Variants in AQR observed in about 807,000 individuals in gnomAD.
AQR encodes RNA helicase aquarius.
In AQR, 61 loss-of-function variants were observed where a neutral mutation model predicts 180.5. That is an observed-to-expected ratio of 0.34 (90% CI 0.28 to 0.42). The LOEUF (loss-of-function observed/expected upper bound fraction) is 0.42. Ranked by LOEUF, AQR falls within the 10% of genes least tolerant of loss-of-function variation. The probability of loss-of-function intolerance (pLI) is 1.00; values close to 1 mark genes in which losing one functional copy is unlikely to be tolerated. For synonymous variants in AQR, 551 were observed against 588.8 expected (o/e 0.94, Z 0.93); for missense variants, 1,281 against 1,798.3 (o/e 0.71, Z 5.20).
intron 15 of AQR, among the ~76,000 whole-genome samples, chr15:34,917,518 G>T (rs1173007040): frequency 3.3e-5 from 5 of 151,966 alleles, no homozygotes; most frequent in Admixed American, 3.3e-4. Context: ...AACACTAAGG[G>T]TTTACTATCA....
intron 22 of AQR, 110 bp from the exon 23 acceptor site, chr15:34,893,883 T>C (rs1893191517): frequency 1.2e-6 from 1 of 845,618 alleles, no homozygotes; most frequent in African/African-American, 1.7e-5. Flanking sequence ...ATTCAGTAGA[T>C]GGGCCCAATA....
At chr15:34,914,222 C>T (rs959478) in intron 16 of AQR, among the ~76,000 whole-genome samples, 108,734 of 152,118 alleles carry the variant, frequency 0.71, 40,869 homozygotes, top group South Asian at 0.84. Context: ...GTATAACTTA[C>T]ATCCATCAAT....
intron 15 of AQR, 25 bp from the exon 16 acceptor site, chr15:34,915,204 T>A (rs753706142): frequency 2.0e-5 from 31 of 1,552,104 alleles, no homozygotes; most frequent in Non-Finnish European, 2.6e-5. Context: ...AACATCCATA[T>A]TTCAATTTTT....
chr15:34,919,024 A>C (rs1000605120), intron 14 of AQR, among the ~76,000 whole-genome samples: 2 of 152,180 alleles, frequency 1.3e-5, no homozygotes, highest in African/African-American at 4.8e-5. Flanking sequence ...GGATCACCTG[A>C]GGTGAGGAGT....
At chr15:34,862,772 A>G (rs1227460249) in intron 33 of AQR, 95 bp downstream of exon 33, 5 of 1,310,808 alleles carry the variant, frequency 3.8e-6, no homozygotes, top group Non-Finnish European at 4.2e-6. Flanking sequence ...TAAATTATCT[A>G]TAATAATGTT....
rs370501493 is a variant in AQR, at chr15:34,897,692, C to G, written c.2257G>C (p.Val753Leu). The stretch of plus-strand genomic sequence containing the variant: ...CTTTTCTTCCCTTTTCCACTTCTTA[C>G]TGGAAAAGTTATCCTACAAGACCAA... The part of the protein sequence containing the change: ...QIPPFRITFP[V>L]RSGKGKKRKD... Residue 753 changes from valine to leucine, a missense_variant, in exon 21 of 35, where the codon GTA (valine) becomes CTA (leucine). This residue lies in a region of AQR where 112 missense variants were observed against 128.6 expected (regional missense o/e 0.87). Coordinates refer to ENST00000156471, the MANE Select transcript of AQR (RefSeq NM_014691.3). 3 of 1,613,894 alleles carry G rather than the reference C, an allele frequency of 1.9e-6. No individual in the cohort carries two copies. The highest frequency in any genetic ancestry group is 2.5e-6 in the Non-Finnish European group (3 of 1,179,912).
intron 19 of AQR, among the ~76,000 whole-genome samples, chr15:34,902,092 T>C (rs1893340976): frequency 6.6e-6 from 1 of 152,152 alleles, no homozygotes; most frequent in Non-Finnish European, 1.5e-5. Flanking sequence ...TAGGAAAGGT[T>C]TCATGGAGGA....
chr15:34,961,206 CAT>C (rs1319417561), intron 2 of AQR, among the ~76,000 whole-genome samples: 3 of 152,064 alleles, frequency 2.0e-5, no homozygotes, highest in African/African-American at 7.2e-5. Context: ...AGTGTGAAGA[CAT>C]AACAGACACA....
intron 34 of AQR, 101 bp from the exon 35 acceptor site, chr15:34,857,207 A>T: frequency 1.8e-6 from 2 of 1,081,832 alleles, no homozygotes; most frequent in South Asian, 3.6e-5. Flanking sequence ...AACAGTGCTG[A>T]CCATTTTATA....
At chr15:34,902,090 G>T (rs1185467432) in intron 19 of AQR, among the ~76,000 whole-genome samples, 1 of 152,178 alleles carries the variant, frequency 6.6e-6, no homozygotes, top group Non-Finnish European at 1.5e-5. Context: ...ATTAGGAAAG[G>T]TTTCATGGAG....
rs34623885 is a variant in AQR, at chr15:34,896,543, T to TAA, written c.2460+352_2460+353dup. 7.1e-3 allele frequency among the ~76,000 whole-genome samples: 967 copies of TAA among 135,548 alleles called. 6 individuals are homozygous for TAA. The highest frequency in any genetic ancestry group is 0.015 in the African/African-American group (560 of 37,400). The allele number at this position is 135,548 out of a possible 152,430, so 88.9% of individuals were successfully genotyped here. A position where few individuals can be genotyped will look rare whatever the true frequency, so the allele number is the denominator to read the frequency against. On this transcript the variant is annotated intron_variant, in intron 22 of 34. Coordinates refer to ENST00000156471, the MANE Select transcript of AQR (RefSeq NM_014691.3). ...ACTTACTTCTAGTCTTAATCTATGT[T>TAA]AAAAAAAAAAAAAAAAAGGTGTGGC... is the stretch of plus-strand genomic sequence containing the variant.
chr15:34,864,971 C>T (rs1405933429), intron 32 of AQR, among the ~76,000 whole-genome samples: 1 of 152,108 alleles, frequency 6.6e-6, no homozygotes, highest in Admixed American at 6.6e-5. Context: ...GAATCTAGCA[C>T]ACTGACAAAC....
At chr15:34,951,667 CAAAA>C (rs35929298) in intron 4 of AQR, among the ~76,000 whole-genome samples, 2 of 74,868 alleles carry the variant, frequency 2.7e-5, no homozygotes, top group African/African-American at 4.4e-5. Context: ...GAGACTGTCT[CAAAA>C]AAAAAAAAAA....
At chr15:34,948,662 T>C (rs1305489004) in intron 4 of AQR, among the ~76,000 whole-genome samples, 3 of 151,930 alleles carry the variant, frequency 2.0e-5, no homozygotes, top group Admixed American at 1.3e-4. Context: ...TAGCTGGGTA[T>C]GGTGGCACAC....
intron 19 of AQR, among the ~76,000 whole-genome samples, chr15:34,903,726 C>T (rs1472683557): frequency 6.6e-6 from 1 of 152,094 alleles, no homozygotes; most frequent in South Asian, 2.1e-4. Context: ...GCAAAAGCTA[C>T]ATGTATCAAA....
chr15:34,912,696 C>T (rs1893518911), intron 16 of AQR, among the ~76,000 whole-genome samples: 1 of 151,062 alleles, frequency 6.6e-6, no homozygotes, highest in Non-Finnish European at 1.5e-5. Context: ...CATCCCAATG[C>T]CCATTCTTTC....
intron 1 of AQR, among the ~76,000 whole-genome samples, chr15:34,965,564 G>A (rs1182367659): frequency 2.6e-5 from 4 of 152,102 alleles, no homozygotes; most frequent in Non-Finnish European, 4.4e-5. Flanking sequence ...CCAGCTACTT[G>A]GGAGGCTGAG....
At chr15:34,904,294 AAATT>A in intron 19 of AQR, 38 bp downstream of exon 19, 2 of 1,394,646 alleles carry the variant, frequency 1.4e-6, no homozygotes, top group Non-Finnish European at 1.9e-6. Flanking sequence ...AAAGTTACTT[AAATT>A]ATGACATAGT....
intron 13 of AQR, among the ~76,000 whole-genome samples, chr15:34,922,556 GT>G (rs1282839551): frequency 2.6e-5 from 4 of 151,450 alleles, no homozygotes; most frequent in Non-Finnish European, 5.9e-5. Context: ...GTTGTTTTTT[GT>G]TTTTTTGGTT....
Sources: gnomAD v4.1 joint callset for allele counts (sites outside exome capture counted in the v4.1 genomes callset) on GRCh38, gnomAD v4.1.1 for gene constraint, gnomAD v4.1.1 regional missense constraint, MANE v1.5 for transcripts, NCBI Gene and HGNC (gene_info 2026-07-23, HGNC 2026-07-21) for gene names.